PDZK1: variants seen among roughly 807,000 people sequenced by gnomAD.
PDZK1 encodes Na(+)/H(+) exchange regulatory cofactor NHE-RF3.
Under a neutral mutation model 38.1 loss-of-function variants are expected in PDZK1, and 23 were observed. The ratio of observed to expected loss-of-function variants is 0.60; its 90% CI spans 0.43 to 0.85. PDZK1 has a LOEUF of 0.85. Ranked by LOEUF, PDZK1 falls within the 40% of genes least tolerant of loss-of-function variation. The probability of loss-of-function intolerance (pLI) is 0.00; values close to 1 mark genes in which losing one functional copy is unlikely to be tolerated. For synonymous variants in PDZK1, 98 were observed against 186.2 expected (o/e 0.53, Z 3.86); for missense variants, 297 against 504.3 (o/e 0.59, Z 3.94).
At chr1:145,679,649 A>C (rs1368641630) in intron 5 of PDZK1, among the ~76,000 whole-genome samples, 1 of 152,098 alleles carries the variant, frequency 6.6e-6, no homozygotes, top group Non-Finnish European at 1.5e-5. Flanking sequence ...CTAAACAACT[A>C]TTTGACCTTA....
intron 5 of PDZK1, among the ~76,000 whole-genome samples, chr1:145,679,221 G>T (rs1475086379): frequency 1.3e-5 from 2 of 150,308 alleles, no homozygotes; most frequent in East Asian, 2.0e-4. Context: ...TAGCTGCTGG[G>T]TATCTCCAAC....
chr1:145,686,785 A>G, intron 2 of PDZK1, 59 bp from the exon 3 acceptor site: 1 of 803,904 alleles, frequency 1.2e-6, no homozygotes, highest in Non-Finnish European at 2.0e-6. Context: ...CCAGAGGGAA[A>G]TGCTGACCAT....
intron 5 of PDZK1, among the ~76,000 whole-genome samples, chr1:145,679,716 G>T (rs587756854): frequency 2.0e-5 from 3 of 152,196 alleles, no homozygotes; most frequent in South Asian, 4.1e-4. Context: ...TTGCATAATT[G>T]TTAGGAGTAA....
chr1:145,686,506 C>G lies in PDZK1; in HGVS notation c.431G>C (p.Ser144Thr). ...RLCYLVKEGG[S>T]YGFSLKTVQG... ...GACAGTTTTCAGAGAGAAGCCATAG[C>G]TGCCTCCTTCCTTCACGAGATAGCA... Residue 144 changes from serine (S) to threonine (T), a missense_variant, in exon 3 of 9, where the codon AGC (serine) becomes ACC (threonine). Around this residue, in one of 5 missense-constraint regions of PDZK1, gnomAD observed 159 missense variants for 200.0 expected, o/e 0.79. Coordinates refer to ENST00000417171, the MANE Select transcript of PDZK1 (RefSeq NM_001201325.2). 6.2e-7 allele frequency: 1 copy of G among 1,612,030 alleles called. No individual in the cohort carries two copies. The highest frequency in any genetic ancestry group is 1.1e-5 in the South Asian group (1 of 90,990).
At chr1:145,686,056 A>T (rs1478008003) in intron 3 of PDZK1, among the ~76,000 whole-genome samples, 1 of 152,130 alleles carries the variant, frequency 6.6e-6, no homozygotes, top group Non-Finnish European at 1.5e-5. Context: ...GCACTCAGAT[A>T]AAAAAAAGAT....
At chr1:145,694,611 AT>A (rs1299146119) in intron 1 of PDZK1, among the ~76,000 whole-genome samples, 3 of 152,134 alleles carry the variant, frequency 2.0e-5, no homozygotes, top group Non-Finnish European at 4.4e-5. Flanking sequence ...TAGAACAAAA[AT>A]AACTTGCCGG....
At chr1:145,700,229 A>G (rs1655884257) in intron 1 of PDZK1, among the ~76,000 whole-genome samples, 2 of 152,214 alleles carry the variant, frequency 1.3e-5, no homozygotes, top group African/African-American at 2.4e-5. Context: ...TTTGTTCCCC[A>G]TGAAAGAAAG....
intron 6 of PDZK1, among the ~76,000 whole-genome samples, chr1:145,677,487 A>C (rs1186972101): frequency 2.0e-5 from 3 of 151,144 alleles, no homozygotes; most frequent in Non-Finnish European, 4.4e-5. Flanking sequence ...GTTGATATCA[A>C]GTATTTTCTA....
intron 1 of PDZK1, among the ~76,000 whole-genome samples, chr1:145,694,886 ACT>A (rs1377022693): frequency 2.4e-5 from 3 of 124,082 alleles, no homozygotes; most frequent in African/African-American, 1.0e-4. Context: ...ACAGAGCAAG[ACT>A]CTGTCTCAAA....
intron 1 of PDZK1, among the ~76,000 whole-genome samples, chr1:145,690,232 C>A (rs1260492847): frequency 6.6e-6 from 1 of 152,162 alleles, no homozygotes; most frequent in Non-Finnish European, 1.5e-5. Context: ...ACTCCTCTTT[C>A]TGCTGATCCC....
At chr1:145,673,295 C>G (rs1653278717) in intron 7 of PDZK1, among the ~76,000 whole-genome samples, 1 of 152,134 alleles carries the variant, frequency 6.6e-6, no homozygotes, top group African/African-American at 2.4e-5. Context: ...CTTCTTCACT[C>G]CCAACTTGAA....
intron 5 of PDZK1, among the ~76,000 whole-genome samples, chr1:145,679,886 C>T (rs1339125799): frequency 2.6e-5 from 4 of 152,212 alleles, no homozygotes; most frequent in African/African-American, 7.2e-5. Context: ...ACCTTTCCAA[C>T]GAATTCTTGT....
intron 1 of PDZK1, among the ~76,000 whole-genome samples, chr1:145,706,939 C>T (rs1656277051): frequency 6.6e-6 from 1 of 151,916 alleles, no homozygotes; most frequent in Non-Finnish European, 1.5e-5. Flanking sequence ...TACCCAAGGC[C>T]CCTGTATCAG....
chr1:145,687,715 A>G, intron 2 of PDZK1, 97 bp downstream of exon 2: 2 of 1,066,432 alleles, frequency 1.9e-6, no homozygotes, highest in Non-Finnish European at 2.9e-6. Context: ...GCAGCCAGGA[A>G]AGAACCAAAC....
At chr1:145,675,870 T>A (rs1263946263) in intron 6 of PDZK1, among the ~76,000 whole-genome samples, 1 of 151,586 alleles carries the variant, frequency 6.6e-6, no homozygotes, top group African/African-American at 2.4e-5. Context: ...ATATAAAAAT[T>A]AGCCAGGTGT....
At chr1:145,705,690 A>G (rs1235613603) in intron 1 of PDZK1, among the ~76,000 whole-genome samples, 4 of 152,164 alleles carry the variant, frequency 2.6e-5, no homozygotes, top group Non-Finnish European at 4.4e-5. Context: ...TTACTATTCT[A>G]CAGAGACTTT....
intron 1 of PDZK1, among the ~76,000 whole-genome samples, chr1:145,688,896 T>C (rs2101908165): frequency 6.6e-6 from 1 of 151,274 alleles, no homozygotes; most frequent in South Asian, 2.1e-4. Context: ...GAGGTGGAGA[T>C]TGCAGTGAGC....
intron 5 of PDZK1, among the ~76,000 whole-genome samples, chr1:145,679,168 C>CT (rs58403818): frequency 0.045 from 6,211 of 136,952 alleles, 384 homozygotes; most frequent in African/African-American, 0.15. Flanking sequence ...CAGATGCTGC[C>CT]TTTTTTTTTT....
At chr1:145,698,828 A>G (rs1049415672) in intron 1 of PDZK1, among the ~76,000 whole-genome samples, 2 of 152,110 alleles carry the variant, frequency 1.3e-5, no homozygotes, top group Non-Finnish European at 2.9e-5. Context: ...TATACTCCGG[A>G]GGCTGAGACA....
Sources: allele counts gnomAD v4.1 joint callset (sites outside exome capture counted in the v4.1 genomes callset), GRCh38; gene constraint gnomAD v4.1.1; regional missense constraint gnomAD v4.1.1; transcripts MANE v1.5; gene names NCBI Gene and HGNC (gene_info 2026-07-23, HGNC 2026-07-21).